Variants in TARBP1 observed in about 807,000 individuals in gnomAD.
TARBP1 encodes the protein tRNA guanosine 2 -O-methyltransferase TARBP1.
Under a neutral mutation model 178.6 loss-of-function variants are expected in TARBP1, and 144 were observed. The ratio of observed to expected loss-of-function variants is 0.81; its 90% CI spans 0.70 to 0.93. The LOEUF is 0.93. Ranked by LOEUF, TARBP1 falls within the 40% of genes least tolerant of loss-of-function variation. TARBP1 has a pLI of 0.00. For synonymous variants in TARBP1, 787 were observed against 781.0 expected (o/e 1.01, Z -0.13); for missense variants, 2,067 against 2,011.7 (o/e 1.03, Z -0.53).
At position 234,429,826 on chromosome 1, in the gene TARBP1, A is replaced by C. The variant is rs988438519; in HGVS notation, c.2610-149T>G. 1.5e-5 allele frequency: 15 copies of C among 993,830 alleles called. No homozygotes were observed. The Admixed American group carries it at 4.0e-4, about 26-fold the overall frequency. The allele number at this position is 993,830 out of a possible 1,614,324, so 61.6% of individuals were successfully genotyped here. ...TTATCAAACAGCCTATCTACCAAAAACTAAGGAAACCACATAAACCTTAAT... is the reference window on the plus strand; with the variant it reads ...TTATCAAACAGCCTATCTACCAAAACCTAAGGAAACCACATAAACCTTAAT... On this transcript the variant is annotated intron_variant, in intron 15 of 29. Transcript: ENST00000040877.
intron 1 of TARBP1, among the ~76,000 whole-genome samples, chr1:234,474,245 AACACACACACACACACAC>A (rs35976593): frequency 1.5e-3 from 125 of 81,592 alleles, no homozygotes; most frequent in South Asian, 2.7e-3. Context: ...TTGTCTCTAA[AACACACACACACACACAC>A]ACACACACAC....
chr1:234,439,715 A>G (rs1209155658), intron 12 of TARBP1, among the ~76,000 whole-genome samples: 2 of 152,090 alleles, frequency 1.3e-5, no homozygotes, highest in Non-Finnish European at 2.9e-5. Flanking sequence ...AATCCCAGCT[A>G]CTCGGTAAAC....
At chr1:234,416,528 C>T (rs1662433473) in intron 22 of TARBP1, among the ~76,000 whole-genome samples, 1 of 152,094 alleles carries the variant, frequency 6.6e-6, no homozygotes, top group Non-Finnish European at 1.5e-5. Flanking sequence ...AACTCCTGAC[C>T]TCAAGTAATT....
chr1:234,460,221 T>C (rs780429461), intron 7 of TARBP1, 40 bp downstream of exon 7: 1 of 1,565,352 alleles, frequency 6.4e-7, no homozygotes, highest in South Asian at 1.2e-5. Context: ...TGGAAAGTCA[T>C]GGCAAATAAC....
At chr1:234,429,821 C>T (rs1288950543) in intron 15 of TARBP1, 144 bp from the exon 16 acceptor site, 27 of 1,011,252 alleles carry the variant, frequency 2.7e-5, no homozygotes, top group African/African-American at 4.9e-5. Context: ...GCCTATCTAC[C>T]AAAAACTAAG....
intron 4 of TARBP1, among the ~76,000 whole-genome samples, chr1:234,466,970 T>C (rs541631263): frequency 1.3e-5 from 2 of 152,220 alleles, no homozygotes; most frequent in South Asian, 4.1e-4. Context: ...GGGACTCACA[T>C]GACACCATAA....
chr1:234,404,529 A>G (rs1032822205), intron 24 of TARBP1, among the ~76,000 whole-genome samples: 2 of 152,224 alleles, frequency 1.3e-5, no homozygotes, highest in East Asian at 1.9e-4. Flanking sequence ...TACACCAAGG[A>G]GAAATAAGAC....
intron 22 of TARBP1, among the ~76,000 whole-genome samples, chr1:234,413,956 G>A (rs1454479196): frequency 2.6e-5 from 4 of 152,174 alleles, no homozygotes; most frequent in African/African-American, 7.2e-5. Context: ...TATAGATGGT[G>A]GTGGTATTCA....
intron 9 of TARBP1, among the ~76,000 whole-genome samples, chr1:234,457,097 G>C (rs1202460440): frequency 6.6e-6 from 1 of 152,166 alleles, no homozygotes; most frequent in Non-Finnish European, 1.5e-5. Flanking sequence ...CACAGTAAGA[G>C]GTCTGGAGGC....
chr1:234,452,064 TA>T (rs764583393), intron 9 of TARBP1, among the ~76,000 whole-genome samples: 15 of 152,226 alleles, frequency 9.9e-5, no homozygotes, highest in Non-Finnish European at 1.3e-4. Flanking sequence ...GTATCAAAAT[TA>T]TTTTTGACAA....
In TARBP1 at chr1:234,478,795, G is replaced by A; in HGVS notation, c.309C>T (p.Ala103=). ...RRRVLRAAGA[A]LRSCVRLAGR... ...CGGCCAGGCGGACGCACGAGCGCAGGGCCGCGCCCGCCGCCCTCAGCACGC... is the reference window on the plus strand; with the variant it reads ...CGGCCAGGCGGACGCACGAGCGCAGAGCCGCGCCCGCCGCCCTCAGCACGC... The change falls in exon 1 of 30, where the codon GCC becomes GCT. Residue 103 remains alanine (A), a synonymous_variant. Transcript: ENST00000040877. 8.8e-7 allele frequency: 1 copy of A among 1,131,836 alleles called. No homozygotes were observed. The highest frequency in any genetic ancestry group is 1.1e-6 in the Non-Finnish European group (1 of 926,980). 70.1% of individuals were successfully genotyped at this position (1,131,836 alleles called of 1,614,324 possible).
intron 14 of TARBP1, among the ~76,000 whole-genome samples, chr1:234,431,145 A>G (rs1191312831): frequency 6.6e-6 from 1 of 152,240 alleles, no homozygotes; most frequent in Non-Finnish European, 1.5e-5. Flanking sequence ...AATACTGCCA[A>G]CCAGTAATGT....
At chr1:234,446,084 A>G (rs1394601883) in intron 12 of TARBP1, among the ~76,000 whole-genome samples, 1 of 152,204 alleles carries the variant, frequency 6.6e-6, no homozygotes, top group Non-Finnish European at 1.5e-5. Flanking sequence ...ATGAAAATAT[A>G]ATCGTATCAA....
chr1:234,418,169 A>G lies in TARBP1; in HGVS notation c.3620T>C (p.Ile1207Thr). The stretch of plus-strand genomic sequence containing the variant: ...AATAATCCATTCTATAAAATATTTT[A>G]TGGATGCTTGATTGTTGGTGAAACC... ...QAGFTNNQAS[I>T]KYFIEWIIIL... The change falls in exon 22 of 30, where the codon ATA becomes ACA. Residue 1207 changes from isoleucine to threonine, a missense_variant. Coordinates refer to ENST00000040877, the MANE Select transcript of TARBP1 (RefSeq NM_005646.4). The G allele has an allele frequency of 6.4e-7, 1 of 1,551,224 alleles. No homozygotes were observed. Among genetic ancestry groups the G allele is most frequent in the South Asian group, 1.3e-5 (1 of 78,000 alleles).
rs1387220905 is a variant in TARBP1 at position 234,478,901 on chromosome 1, T to C, written c.203A>G (p.Tyr68Cys). Residue 68 changes from tyrosine (Y) to cysteine (C), a missense_variant, in exon 1 of 30, where the codon TAC becomes TGC. Transcript: ENST00000040877. Reference protein sequence around the residue: ...PEAAREVAAGYLVPLLRSLRG... With the variant: ...PEAAREVAAGCLVPLLRSLRG... ...CAGGCTCCGCAGCAGTGGCACGAGG[T>C]ACCCTGCAGCCACCTCGCGCGCCGC... is the stretch of plus-strand genomic sequence containing the variant. 4.3e-6 allele frequency: 6 copies of C among 1,400,418 alleles called. No homozygotes were observed. The highest frequency in any genetic ancestry group is 5.5e-6 in the Non-Finnish European group (6 of 1,085,406). 86.7% of individuals were successfully genotyped at this position (1,400,418 alleles called of 1,614,324 possible). A position where few individuals can be genotyped will look rare whatever the true frequency, so the allele number is the denominator to read the frequency against.
At chr1:234,435,500 A>G (rs1664916138) in intron 13 of TARBP1, among the ~76,000 whole-genome samples, 1 of 152,196 alleles carries the variant, frequency 6.6e-6, no homozygotes, top group Non-Finnish European at 1.5e-5. Context: ...AATAAATAAA[A>G]TGAAGGATGC....
At chr1:234,402,804 T>C (rs1194041026) in intron 24 of TARBP1, among the ~76,000 whole-genome samples, 1 of 152,122 alleles carries the variant, frequency 6.6e-6, no homozygotes, top group Non-Finnish European at 1.5e-5. Context: ...CAGGCTGATC[T>C]TGAACTCCTG....
intron 3 of TARBP1, among the ~76,000 whole-genome samples, chr1:234,470,514 A>G (rs1167264402): frequency 2.6e-5 from 4 of 151,900 alleles, no homozygotes; most frequent in South Asian, 4.1e-4. Context: ...CGTCACACAC[A>G]CTCTTCTCAT....
intron 26 of TARBP1, 50 bp from the exon 27 acceptor site, chr1:234,393,887 T>G: frequency 8.0e-6 from 11 of 1,373,138 alleles, no homozygotes; most frequent in African/African-American, 1.5e-5. Flanking sequence ...TCTGAATCTC[T>G]ATATATTTAT....
Sources: gnomAD v4.1 joint callset for allele counts (sites outside exome capture counted in the v4.1 genomes callset) on GRCh38, gnomAD v4.1.1 for gene constraint, MANE v1.5 for transcripts, NCBI Gene and HGNC (gene_info 2026-07-23, HGNC 2026-07-21) for gene names.